The following TRDN variants were observed in gnomAD, a reference collection of about 807,000 sequenced individuals.
TRDN encodes triadin.
In TRDN, 161 loss-of-function variants were observed where a neutral mutation model predicts 149.7. The ratio of observed to expected loss-of-function variants is 1.08; its 90% CI spans 0.95 to 1.23. The LOEUF (loss-of-function observed/expected upper bound fraction) is 1.23. Ranked by LOEUF, TRDN falls within the 50% of genes most tolerant of loss-of-function variation. The pLI, the probability that TRDN is intolerant of heterozygous loss-of-function variation, is 0.00. For synonymous variants in TRDN, 294 were observed against 250.5 expected (o/e 1.17, Z -1.64); for missense variants, 896 against 823.5 (o/e 1.09, Z -1.08).
intron 38 of TRDN, among the ~76,000 whole-genome samples, chr6:123,229,467 G>A (rs1775514548): frequency 6.6e-6 from 1 of 151,930 alleles, no homozygotes; most frequent in African/African-American, 2.4e-5. Context: ...TAAGAAAAGT[G>A]TTATTCTGTG....
intron 23 of TRDN, among the ~76,000 whole-genome samples, chr6:123,322,668 A>G (rs1287746584): frequency 1.3e-5 from 2 of 148,188 alleles, no homozygotes; most frequent in Non-Finnish European, 3.0e-5. Context: ...TTTGAGACGG[A>G]GTCTCACTGT....
In TRDN at chr6:123,273,374, T is replaced by C. The variant is rs1163274602; in HGVS notation, c.1598-11A>G. On this transcript the variant is annotated splice_polypyrimidine_tract_variant and intron_variant, in intron 27 of 40. Transcript: ENST00000334268. The stretch of plus-strand genomic sequence containing the variant: ...CTTTTTCAGATATAGCTAAAATAAA[T>C]AAATAACATATTAGATTAAATTACC... The C allele has an allele frequency of 1.0e-6, 1 of 956,010 alleles. No individual in the cohort carries two copies. The allele number at this position is 956,010 out of a possible 1,614,324, so 59.2% of individuals were successfully genotyped here.
chr6:123,382,956 T>C (rs931783100), intron 14 of TRDN, among the ~76,000 whole-genome samples: 1 of 152,116 alleles, frequency 6.6e-6, no homozygotes, highest in African/African-American at 2.4e-5. Context: ...TTTGTCCTTT[T>C]ACTGTTTCTG....
rs368641819 is a variant in TRDN at position 123,331,926 on chromosome 6, G to T, written c.1424C>A (p.Pro475His). ...AACTTTCTCTTCTTTCCCTTTAATA[G>T]GTTCTGAAAAGAAACATCGGACATT... ...KTSSILKDKE[P>H]IKGKEEKVPA... Residue 475 changes from proline to histidine, a missense_variant, in exon 23 of 41, where the codon CCT (proline) becomes CAT (histidine). Pro to His is a moderately conservative substitution (Grantham distance 77). Transcript: ENST00000334268. 15 of 1,539,832 alleles carry T rather than the reference G, an allele frequency of 9.7e-6. No individual in the cohort carries two copies. Among genetic ancestry groups the T allele is most frequent in the Non-Finnish European group, 1.3e-5 (15 of 1,140,728 alleles).
intron 23 of TRDN, among the ~76,000 whole-genome samples, chr6:123,321,756 A>G (rs1465703961): frequency 2.6e-5 from 4 of 151,880 alleles, no homozygotes; most frequent in Non-Finnish European, 4.4e-5. Flanking sequence ...TCCCTAAATA[A>G]GTCTTAAGAG....
intron 10 of TRDN, among the ~76,000 whole-genome samples, chr6:123,446,755 T>C (rs1775401724): frequency 1.3e-5 from 2 of 152,054 alleles, no homozygotes; most frequent in Admixed American, 1.3e-4. Flanking sequence ...AGGAAGCCAG[T>C]GAGAGGTTTA....
chr6:123,453,873 G>A (rs934191123), intron 10 of TRDN, among the ~76,000 whole-genome samples: 2 of 149,998 alleles, frequency 1.3e-5, no homozygotes, highest in African/African-American at 5.0e-5. Flanking sequence ...CAGTCAATGA[G>A]TGGATAAAGA....
chr6:123,620,167 G>A (rs1212250162), intron 1 of TRDN, among the ~76,000 whole-genome samples: 2 of 152,160 alleles, frequency 1.3e-5, no homozygotes, highest in African/African-American at 4.8e-5. Context: ...AATTAGTAGG[G>A]AATTTGTTTT....
chr6:123,403,733 G>C (rs1321973822), intron 12 of TRDN, among the ~76,000 whole-genome samples: 1 of 152,078 alleles, frequency 6.6e-6, no homozygotes, highest in Non-Finnish European at 1.5e-5. Context: ...AGAGCACAAG[G>C]AAGAGGTCCA....
intron 24 of TRDN, among the ~76,000 whole-genome samples, chr6:123,301,756 T>TATATATATATATAC (rs1259844426): frequency 1.5e-4 from 11 of 71,550 alleles, no homozygotes; most frequent in African/African-American, 4.5e-4. Context: ...TATATACATA[T>TATATATATATATAC]ATATATATAT....
At chr6:123,309,973 T>C (rs1329602490) in intron 24 of TRDN, among the ~76,000 whole-genome samples, 1 of 152,004 alleles carries the variant, frequency 6.6e-6, no homozygotes, top group Non-Finnish European at 1.5e-5. Flanking sequence ...TATTAAAGGA[T>C]AACTGAATGA....
At position 123,294,171 on chromosome 6, in the gene TRDN, A is replaced by G. The variant is rs1300425441; in HGVS notation, c.1511-15089T>C. On this transcript the variant is annotated intron_variant, in intron 24 of 40. Transcript: ENST00000334268. The stretch of plus-strand genomic sequence containing the variant: ...AAGTTAATAATAAAACATGCTACAC[A>G]TATATTAACAACCGTGGACAAGTTG... Among the ~76,000 whole-genome samples the G allele has an allele frequency of 4.6e-5, 7 of 152,266 alleles. No homozygotes were observed. In the South Asian group the frequency reaches 1.5e-3, roughly 32 times the overall value.
At chr6:123,582,665 A>C (rs1227106215) in intron 1 of TRDN, among the ~76,000 whole-genome samples, 1 of 151,816 alleles carries the variant, frequency 6.6e-6, no homozygotes, top group Non-Finnish European at 1.5e-5. Context: ...TAAGGCAGGA[A>C]CCCGCGATCT....
At chr6:123,586,693 G>A (rs1395152649) in intron 1 of TRDN, among the ~76,000 whole-genome samples, 1 of 152,006 alleles carries the variant, frequency 6.6e-6, no homozygotes, top group Admixed American at 6.6e-5. Flanking sequence ...AGTTGAAGAG[G>A]TTTTAAGTTC....
rs371389746 is a variant in TRDN, at chr6:123,416,473, C to A, written c.1051+21590G>T. On this transcript the variant is annotated intron_variant, in intron 12 of 40. Transcript: ENST00000334268. The stretch of plus-strand genomic sequence containing the variant: ...TGTGCAGCTCACTCCTTTCTTCATC[C>A]AAGTCTCTGTTCAGATAGCATCTCC... Among the ~76,000 whole-genome samples the A allele has an allele frequency of 3.4e-4, 52 of 152,280 alleles. No individual in the cohort carries two copies. The East Asian group carries it at 9.5e-3, about 28-fold the overall frequency.
intron 19 of TRDN, among the ~76,000 whole-genome samples, chr6:123,372,626 G>C (rs1167472933): frequency 6.6e-6 from 1 of 152,098 alleles, no homozygotes; most frequent in Non-Finnish European, 1.5e-5. Context: ...CCAAGGTTCT[G>C]AAAAATAGTG....
chr6:123,314,873 A>G (rs1286335970), intron 24 of TRDN, among the ~76,000 whole-genome samples: 4 of 152,014 alleles, frequency 2.6e-5, no homozygotes, highest in Non-Finnish European at 1.5e-5. Context: ...GGAGATGATC[A>G]GAAAAAATAA....
chr6:123,233,878 G>A (rs1311392398), intron 38 of TRDN, among the ~76,000 whole-genome samples: 1 of 151,788 alleles, frequency 6.6e-6, no homozygotes, highest in Admixed American at 6.6e-5. Flanking sequence ...TCCCTTGCTA[G>A]GGGAGTAACC....
At chr6:123,438,832 T>C in intron 11 of TRDN, 112 bp downstream of exon 11, 2 of 776,748 alleles carry the variant, frequency 2.6e-6, no homozygotes, top group South Asian at 4.2e-5. Context: ...CTAATAACAA[T>C]GACAATGCAT....
Sources: gnomAD v4.1 joint callset for allele counts (sites outside exome capture counted in the v4.1 genomes callset) on GRCh38, gnomAD v4.1.1 for gene constraint, MANE v1.5 for transcripts, NCBI Gene and HGNC (gene_info 2026-07-23, HGNC 2026-07-21) for gene names.